The following ANO10 variants were observed in gnomAD, a reference collection of about 807,000 sequenced individuals.
ANO10 encodes anoctamin 10.
A neutral mutation model predicts 74.7 loss-of-function variants in ANO10; 77 were observed. That is an observed-to-expected ratio of 1.03 (90% CI 0.86 to 1.25). The LOEUF (loss-of-function observed/expected upper bound fraction) is 1.25. ANO10 is among the 50% of genes most tolerant of loss of function. The pLI is 0.00. For synonymous variants in ANO10, 279 were observed against 284.9 expected (o/e 0.98, Z 0.21); for missense variants, 721 against 778.1 (o/e 0.93, Z 0.87).
At chr3:43,468,710 T>C (rs1040084918) in intron 11 of ANO10, among the ~76,000 whole-genome samples, 4 of 148,436 alleles carry the variant, frequency 2.7e-5, no homozygotes, top group Admixed American at 2.0e-4. Flanking sequence ...CTTTTTTTTG[T>C]TTTCTTTTTT....
At chr3:43,650,972 TTAA>T (rs1206107434) in intron 1 of ANO10, among the ~76,000 whole-genome samples, 11 of 152,280 alleles carry the variant, frequency 7.2e-5, no homozygotes, top group African/African-American at 2.2e-4. Flanking sequence ...TTTGATAAAA[TTAA>T]TAATAATATG....
At chr3:43,633,686 C>T (rs2083573321) in intron 1 of ANO10, among the ~76,000 whole-genome samples, 2 of 152,088 alleles carry the variant, frequency 1.3e-5, no homozygotes, top group African/African-American at 4.8e-5. Flanking sequence ...CATGTATGAG[C>T]TAATAATAAG....
At chr3:43,648,830 C>T (rs1207304857) in intron 1 of ANO10, among the ~76,000 whole-genome samples, 1 of 152,094 alleles carries the variant, frequency 6.6e-6, no homozygotes, top group Non-Finnish European at 1.5e-5. Flanking sequence ...GCGCCCACCA[C>T]CACGTCCGGC....
intron 11 of ANO10, among the ~76,000 whole-genome samples, chr3:43,512,068 A>G (rs577305691): frequency 4.4e-4 from 65 of 149,076 alleles, no homozygotes; most frequent in African/African-American, 1.6e-3. Context: ...GAGTGTGGAG[A>G]AGGGTGGGAG....
At chr3:43,628,603 T>C (rs1347714186) in intron 1 of ANO10, among the ~76,000 whole-genome samples, 4 of 152,216 alleles carry the variant, frequency 2.6e-5, no homozygotes, top group Non-Finnish European at 4.4e-5. Flanking sequence ...AACAGAGACA[T>C]ATTTCTCTTC....
intron 12 of ANO10, among the ~76,000 whole-genome samples, chr3:43,427,940 T>A (rs2092922107): frequency 6.6e-6 from 1 of 152,130 alleles, no homozygotes; most frequent in Non-Finnish European, 1.5e-5. Flanking sequence ...GTTGGTGGCA[T>A]AAACTTGGGT....
At chr3:43,412,614 C>A (rs898284978) in intron 12 of ANO10, among the ~76,000 whole-genome samples, 1 of 152,222 alleles carries the variant, frequency 6.6e-6, no homozygotes, top group African/African-American at 2.4e-5. Context: ...TTCTCGTTCA[C>A]AGTCATTCTT....
intron 11 of ANO10, among the ~76,000 whole-genome samples, chr3:43,478,702 G>C (rs2076162703): frequency 6.6e-6 from 1 of 152,142 alleles, no homozygotes; most frequent in South Asian, 2.1e-4. Flanking sequence ...ATTCATATTT[G>C]ACACAGTACA....
chr3:43,514,560 T>C (rs1009065800), intron 11 of ANO10, among the ~76,000 whole-genome samples: 20 of 152,112 alleles, frequency 1.3e-4, no homozygotes, highest in Admixed American at 2.6e-4. Context: ...CAAAAATTAA[T>C]AGAAAAAGTA....
chr3:43,420,524 A>AGAAAG (rs1015104218), intron 12 of ANO10, among the ~76,000 whole-genome samples: 2 of 145,124 alleles, frequency 1.4e-5, no homozygotes, highest in African/African-American at 2.9e-5. Context: ...AAAAGGAAAA[A>AGAAAG]GAAAGGAAAG....
At chr3:43,691,059 G>A (rs1285123105) in intron 1 of ANO10, 6 of 1,535,750 alleles carry the variant, frequency 3.9e-6, no homozygotes, top group South Asian at 3.6e-5. Flanking sequence ...GCCGGCAGGG[G>A]GCTTCGTGTG....
chr3:43,574,030 C>T (rs1465101374), intron 7 of ANO10, among the ~76,000 whole-genome samples: 2 of 152,060 alleles, frequency 1.3e-5, no homozygotes, highest in Non-Finnish European at 2.9e-5. Flanking sequence ...TCTCGGCTCA[C>T]TGCAACCCCC....
At chr3:43,682,860 G>T (rs181767489) in intron 1 of ANO10, among the ~76,000 whole-genome samples, 17 of 152,220 alleles carry the variant, frequency 1.1e-4, no homozygotes, top group African/African-American at 4.1e-4. Context: ...TGCAGAAAAG[G>T]CCTTTGACAA....
intron 1 of ANO10, among the ~76,000 whole-genome samples, chr3:43,684,038 A>G (rs2084240229): frequency 6.6e-6 from 1 of 152,210 alleles, no homozygotes; most frequent in South Asian, 2.1e-4. Context: ...TTCATGTCTA[A>G]AACACCGAAA....
intron 1 of ANO10, among the ~76,000 whole-genome samples, chr3:43,633,233 T>C (rs957406503): frequency 6.6e-6 from 1 of 152,232 alleles, no homozygotes; most frequent in Admixed American, 6.5e-5. Context: ...CAATAACTTT[T>C]GCATCAATAT....
intron 12 of ANO10, among the ~76,000 whole-genome samples, chr3:43,423,935 T>C (rs2092858684): frequency 6.6e-6 from 1 of 152,170 alleles, no homozygotes; most frequent in South Asian, 2.1e-4. Flanking sequence ...GCCACAAAGG[T>C]AGAATTCTGA....
At chr3:43,546,846 AAG>A (rs2079216419) in intron 11 of ANO10, among the ~76,000 whole-genome samples, 1 of 152,086 alleles carries the variant, frequency 6.6e-6, no homozygotes. Context: ...ATCCCAGGAG[AAG>A]AGAGAGAGTG....
At chr3:43,485,344 C>T (rs1373263100) in intron 11 of ANO10, 3 of 499,496 alleles carry the variant, frequency 6.0e-6, no homozygotes, top group Non-Finnish European at 1.1e-5. Context: ...CGCTGTGCTC[C>T]CCATCCAGGG....
intron 1 of ANO10, among the ~76,000 whole-genome samples, chr3:43,676,565 G>A (rs976069708): frequency 6.6e-6 from 1 of 152,216 alleles, no homozygotes; most frequent in Non-Finnish European, 1.5e-5. Flanking sequence ...GGTTGTATGT[G>A]CAGGAGGGAA....
Sources: allele counts gnomAD v4.1 joint callset (sites outside exome capture counted in the v4.1 genomes callset), GRCh38; gene constraint gnomAD v4.1.1; transcripts MANE v1.5; gene names NCBI Gene and HGNC (gene_info 2026-07-23, HGNC 2026-07-21).